XNDC1N: variants seen among roughly 807,000 people sequenced by gnomAD.
XNDC1N encodes protein XNDC1N.
chr11:71,904,964 G>A, the XNDC1N span, among the ~76,000 whole-genome samples: 37 of 151,172 alleles, frequency 2.4e-4, no homozygotes, highest in African/African-American at 8.5e-4. Context: ...GTGACATTAG[G>A]AGTAACATCC....
the XNDC1N span, among the ~76,000 whole-genome samples, chr11:71,919,870 G>A: frequency 1.4e-5 from 2 of 142,344 alleles, no homozygotes; most frequent in Non-Finnish European, 3.0e-5. Context: ...GCCCGCCTCG[G>A]CCTCCCAAAG....
chr11:71,878,911 G>A, the XNDC1N span, among the ~76,000 whole-genome samples: 1 of 152,114 alleles, frequency 6.6e-6, no homozygotes, highest in African/African-American at 2.4e-5. Flanking sequence ...TAGGCAGGAG[G>A]ATCGCTTGAG....
the XNDC1N span, among the ~76,000 whole-genome samples, chr11:71,895,184 C>T: frequency 6.6e-6 from 1 of 151,940 alleles, no homozygotes. Context: ...CATCAAGCTC[C>T]AAAGAGTAAG....
chr11:71,898,597 A>T, the XNDC1N span, among the ~76,000 whole-genome samples: 1 of 152,146 alleles, frequency 6.6e-6, no homozygotes, highest in South Asian at 2.1e-4. Flanking sequence ...ACAGAGAAAG[A>T]CTCTGTTTCC....
At chr11:71,882,720 A>G in the XNDC1N span, among the ~76,000 whole-genome samples, 1 of 152,242 alleles carries the variant, frequency 6.6e-6, no homozygotes, top group Non-Finnish European at 1.5e-5. Context: ...ACATTTATTT[A>G]ACATGATTCT....
At chr11:71,874,501 TGTGA>T in the XNDC1N span, among the ~76,000 whole-genome samples, 1 of 151,838 alleles carries the variant, frequency 6.6e-6, no homozygotes, top group African/African-American at 2.4e-5. Context: ...CTAAGGGGAG[TGTGA>T]GTATTAACAG....
At chr11:71,919,644 GTC>G in the XNDC1N span, among the ~76,000 whole-genome samples, 2 of 126,620 alleles carry the variant, frequency 1.6e-5, no homozygotes, top group Admixed American at 1.8e-4. Context: ...TTGAGACAGA[GTC>G]TCACTCCGTA....
At chr11:71,884,741 T>C in the XNDC1N span, 4 of 924,390 alleles carry the variant, frequency 4.3e-6, no homozygotes, top group Non-Finnish European at 4.9e-6. Context: ...CATTTTAACA[T>C]TTACTCCCTT....
the XNDC1N span, among the ~76,000 whole-genome samples, chr11:71,898,052 C>G: frequency 1.3e-5 from 2 of 152,044 alleles, no homozygotes; most frequent in African/African-American, 4.8e-5. Flanking sequence ...AGCGTGGTGG[C>G]GTGTGCCTAT....
At chr11:71,928,249 C>G in the XNDC1N span, 3 of 556,574 alleles carry the variant, frequency 5.4e-6, no homozygotes, top group Non-Finnish European at 9.6e-6. Context: ...GAGCTCAAGC[C>G]GCACCGCTGC....
At chr11:71,906,665 G>A in the XNDC1N span, among the ~76,000 whole-genome samples, 1 of 152,078 alleles carries the variant, frequency 6.6e-6, no homozygotes, top group Non-Finnish European at 1.5e-5. Flanking sequence ...CCTAGAATAT[G>A]ACGAAGACTA....
the XNDC1N span, chr11:71,916,460 T>C: frequency 1.8e-6 from 1 of 550,344 alleles, no homozygotes. Flanking sequence ...TCATATTCAG[T>C]CTCTTGCCTT....
chr11:71,919,929 C>CTTCTTTTTTTTTTTTT, the XNDC1N span, among the ~76,000 whole-genome samples: 3 of 26,590 alleles, frequency 1.1e-4, no homozygotes, highest in East Asian at 1.2e-3. Context: ...AAGCAGGCCT[C>CTTCTTTTTTTTTTTTT]TTTTTTTTTT....
chr11:71,900,631 A>G, the XNDC1N span, among the ~76,000 whole-genome samples: 2 of 152,186 alleles, frequency 1.3e-5, no homozygotes. Flanking sequence ...CCTCTAAACT[A>G]TTCCCTAAGA....
chr11:71,907,283 G>A, the XNDC1N span, among the ~76,000 whole-genome samples: 4 of 151,950 alleles, frequency 2.6e-5, no homozygotes, highest in Non-Finnish European at 4.4e-5. Flanking sequence ...AACATAATAC[G>A]AGAAACGGAG....
chr11:71,921,678 GGTGT>G, the XNDC1N span, among the ~76,000 whole-genome samples: 1 of 151,736 alleles, frequency 6.6e-6, no homozygotes, highest in Admixed American at 6.6e-5. Context: ...CACTGAGGGG[GGTGT>G]GTGTGTGTGC....
the XNDC1N span, among the ~76,000 whole-genome samples, chr11:71,871,249 C>T: frequency 2.0e-5 from 3 of 152,230 alleles, no homozygotes; most frequent in East Asian, 5.8e-4. Flanking sequence ...AATTGGAGAA[C>T]ATTAGGCTAA....
At chr11:71,890,582 C>A in the XNDC1N span, among the ~76,000 whole-genome samples, 2 of 152,126 alleles carry the variant, frequency 1.3e-5, no homozygotes, top group African/African-American at 4.8e-5. Context: ...TTTGGATATT[C>A]GGTGCCATAT....
the XNDC1N span, among the ~76,000 whole-genome samples, chr11:71,902,134 C>G: frequency 3.3e-5 from 5 of 152,160 alleles, 1 homozygote; most frequent in African/African-American, 4.8e-5. Flanking sequence ...TGAATTGACA[C>G]TTCCTTGCTT....
Sources: gnomAD v4.1 joint callset for allele counts (sites outside exome capture counted in the v4.1 genomes callset) on GRCh38, gnomAD v4.1.1 for gene constraint, MANE v1.5 for transcripts, NCBI Gene and HGNC (gene_info 2026-07-23, HGNC 2026-07-21) for gene names.